Variants in ZNF280D observed in about 807,000 individuals in gnomAD.
ZNF280D encodes zinc finger protein 280D, also known as suppressor of hairy wing homolog 4.
In ZNF280D, 39 loss-of-function variants were observed where a neutral mutation model predicts 94.7. The ratio of observed to expected loss-of-function variants is 0.41; its 90% CI spans 0.32 to 0.54. The LOEUF (loss-of-function observed/expected upper bound fraction) is 0.54. ZNF280D is among the 20% of genes least tolerant of loss of function. The pLI, the probability that ZNF280D is intolerant of heterozygous loss-of-function variation, is 0.22. For missense variants in ZNF280D, 1,090 were observed against 1,149.3 expected, an observed-to-expected ratio of 0.95 and a Z score of 0.75; for synonymous variants, 398 against 377.6, an observed-to-expected ratio of 1.05 and a Z score of -0.63.
chr15:56,650,752 T>C (rs1295663918), intron 19 of ZNF280D, among the ~76,000 whole-genome samples: 2 of 152,184 alleles, frequency 1.3e-5, no homozygotes, highest in Non-Finnish European at 2.9e-5. Flanking sequence ...CTCAAACCTT[T>C]ACTTCTATTT....
chr15:56,689,471 C>A lies in ZNF280D; in HGVS notation c.500-1G>T. The stretch of plus-strand genomic sequence containing the variant: ...GATAAAAATGAACTTTCACTCATAC[C>A]TACAATAATTTAAATAGTGAGAAAA... On this transcript the variant is annotated splice_acceptor_variant, in intron 7 of 21. Coordinates refer to ENST00000267807, the MANE Select transcript of ZNF280D (RefSeq NM_017661.4). LOFTEE classifies it high-confidence loss of function. 1.3e-6 allele frequency: 2 copies of A among 1,496,976 alleles called. No homozygotes were observed. Among genetic ancestry groups the A allele is most frequent in the Non-Finnish European group, 1.8e-6 (2 of 1,114,332 alleles). The allele number at this position is 1,496,976 out of a possible 1,614,324, so 92.7% of individuals were successfully genotyped here. A position where few individuals can be genotyped will look rare whatever the true frequency, so the allele number is the denominator to read the frequency against.
chr15:56,639,349 G>A (rs1470309890), intron 20 of ZNF280D, among the ~76,000 whole-genome samples: 1 of 150,472 alleles, frequency 6.6e-6, no homozygotes, highest in African/African-American at 2.4e-5. Flanking sequence ...AGAACAATAG[G>A]AGTTTCTTAA....
intron 13 of ZNF280D, among the ~76,000 whole-genome samples, chr15:56,669,523 G>A (rs893841380): frequency 6.6e-6 from 1 of 151,642 alleles, no homozygotes; most frequent in Non-Finnish European, 1.5e-5. Context: ...TGTGGTTATT[G>A]AGCACCTGAA....
chr15:56,720,180 G>C (rs1251439692), intron 1 of ZNF280D, among the ~76,000 whole-genome samples: 1 of 152,124 alleles, frequency 6.6e-6, no homozygotes, highest in East Asian at 1.9e-4. Flanking sequence ...CTCAATCCTT[G>C]CTGGTGCTTT....
Position 56,635,266 on chromosome 15 carries a change from A to G in ZNF280D, c.2260-16T>C. 6.9e-7 allele frequency: 1 copy of G among 1,450,102 alleles called. No individual in the cohort carries two copies. The highest frequency in any genetic ancestry group is 9.2e-7 in the Non-Finnish European group (1 of 1,083,218). 89.8% of individuals were successfully genotyped at this position (1,450,102 alleles called of 1,614,324 possible). On this transcript the variant is annotated splice_polypyrimidine_tract_variant and intron_variant, in intron 20 of 21. Transcript: ENST00000267807. ...TTGCAATTTCCTGAAATAATTAATA[A>G]TACTTTTCTTTTACATTCACAGTTA...
At chr15:56,671,558 A>G (rs951656488) in intron 13 of ZNF280D, among the ~76,000 whole-genome samples, 7 of 152,130 alleles carry the variant, frequency 4.6e-5, no homozygotes, top group African/African-American at 1.7e-4. Context: ...TTCCAGTACC[A>G]AGCTGTTTTG....
rs770204864 is a variant in ZNF280D, at chr15:56,682,494, A to G, written c.781-17T>C. On this transcript the variant is annotated splice_polypyrimidine_tract_variant and intron_variant, in intron 9 of 21. Coordinates refer to ENST00000267807, the MANE Select transcript of ZNF280D (RefSeq NM_017661.4). Reference sequence around the variant, plus strand: ...ACAACAATACTGAAAGAGAAAAAAAAAAAAAAAAAACAAGCCTTACTTATT... The same window carrying G: ...ACAACAATACTGAAAGAGAAAAAAAGAAAAAAAAAACAAGCCTTACTTATT... 6.9e-7 allele frequency: 1 copy of G among 1,456,012 alleles called. No individual in the cohort carries two copies. The highest frequency in any genetic ancestry group is 1.3e-5 in the South Asian group (1 of 76,002). The allele number at this position is 1,456,012 out of a possible 1,614,324, so 90.2% of individuals were successfully genotyped here.
intron 16 of ZNF280D, among the ~76,000 whole-genome samples, chr15:56,663,473 T>C (rs1326320585): frequency 1.3e-5 from 2 of 151,986 alleles, no homozygotes; most frequent in African/African-American, 4.8e-5. Flanking sequence ...AAAATCAGGC[T>C]TCTGTATATA....
chr15:56,663,407 T>C (rs536270314), intron 16 of ZNF280D, among the ~76,000 whole-genome samples: 2 of 151,768 alleles, frequency 1.3e-5, no homozygotes, highest in Non-Finnish European at 2.9e-5. Context: ...AAAAGACCAA[T>C]TGAGAGGCTA....
chr15:56,635,371 A>C (rs2052303757), intron 20 of ZNF280D, 121 bp from the exon 21 acceptor site: 1 of 285,900 alleles, frequency 3.5e-6, no homozygotes. Flanking sequence ...AAGAAATAGA[A>C]AAATAATTTA....
intron 7 of ZNF280D, among the ~76,000 whole-genome samples, chr15:56,691,830 A>G (rs1396086585): frequency 6.6e-6 from 1 of 152,186 alleles, no homozygotes; most frequent in East Asian, 1.9e-4. Flanking sequence ...AAGTAGAGCA[A>G]GAATTAAAGT....
rs553772543 is a variant in ZNF280D at position 56,725,055 on chromosome 15, T to A, written c.-86+8403A>T. ...ATACGACAGAGATTAGGATTATACC[T>A]AAAACCCCCAGGCCTCTCTCAAGCC... On this transcript the variant is annotated intron_variant, in intron 1 of 21. Coordinates refer to ENST00000267807, the MANE Select transcript of ZNF280D (RefSeq NM_017661.4). 4.5e-5 allele frequency: 14 copies of A among 311,970 alleles called. No individual in the cohort carries two copies. The East Asian group carries it at 1.0e-3, about 23-fold the overall frequency. The allele number at this position is 311,970 out of a possible 1,614,324, so 19.3% of individuals were successfully genotyped here.
intron 1 of ZNF280D, among the ~76,000 whole-genome samples, chr15:56,719,964 C>A (rs952314397): frequency 6.6e-6 from 1 of 150,982 alleles, no homozygotes; most frequent in East Asian, 1.9e-4. Flanking sequence ...GGAGGAAGGT[C>A]CTGCCTCCAT....
chr15:56,657,013 T>G (rs2053591971), intron 17 of ZNF280D, among the ~76,000 whole-genome samples: 1 of 152,168 alleles, frequency 6.6e-6, no homozygotes, highest in Non-Finnish European at 1.5e-5. Flanking sequence ...GCAAAGGTCT[T>G]GAGACATACC....
chr15:56,693,063 T>C, intron 7 of ZNF280D, 35 bp downstream of exon 7: 1 of 1,297,280 alleles, frequency 7.7e-7, no homozygotes, highest in Admixed American at 1.8e-5. Flanking sequence ...CAAGTTTCTT[T>C]CTATAACCTT....
At chr15:56,662,778 CT>C (rs1170125329) in intron 16 of ZNF280D, among the ~76,000 whole-genome samples, 2 of 145,792 alleles carry the variant, frequency 1.4e-5, no homozygotes, top group African/African-American at 5.1e-5. Flanking sequence ...GAGCCAAGAT[CT>C]TGCCACTGCA....
rs1220943477 is a variant in ZNF280D at position 56,630,496 on chromosome 15, G to C, written c.*1002C>G. On this transcript the variant is annotated 3_prime_UTR_variant, in exon 22 of 22. Coordinates refer to ENST00000267807, the MANE Select transcript of ZNF280D (RefSeq NM_017661.4). Reference sequence around the variant, plus strand: ...CCAGTTCTTTTACATCACTGTTTTAGGTCCCATTTGAAGTTTTTATTTTAC... The same window carrying C: ...CCAGTTCTTTTACATCACTGTTTTACGTCCCATTTGAAGTTTTTATTTTAC... The C allele has an allele frequency of 6.6e-6, 1 of 152,038 alleles. No homozygotes were observed. The highest frequency in any genetic ancestry group is 2.1e-4 in the South Asian group (1 of 4,822). 9.4% of individuals were successfully genotyped at this position (152,038 alleles called of 1,614,324 possible). A position where few individuals can be genotyped will look rare whatever the true frequency, so the allele number is the denominator to read the frequency against.
At chr15:56,651,939 TA>T (rs2053230936) in intron 19 of ZNF280D, among the ~76,000 whole-genome samples, 1 of 151,862 alleles carries the variant, frequency 6.6e-6, no homozygotes, top group Non-Finnish European at 1.5e-5. Context: ...TGAATATCTG[TA>T]AATGAACTAA....
At chr15:56,682,218 A>C (rs1258996912) in intron 10 of ZNF280D, 36 bp downstream of exon 10, 1 of 1,389,562 alleles carries the variant, frequency 7.2e-7, no homozygotes, top group Non-Finnish European at 9.9e-7. Context: ...GCAGCATTTC[A>C]ATTTTCAATA....
Sources: allele counts gnomAD v4.1 joint callset (sites outside exome capture counted in the v4.1 genomes callset), GRCh38; gene constraint gnomAD v4.1.1; transcripts MANE v1.5; gene names NCBI Gene and HGNC (gene_info 2026-07-23, HGNC 2026-07-21).